SPATA1: variants seen among roughly 807,000 people sequenced by gnomAD.
SPATA1 encodes spermatogenesis-associated protein 1.
SPATA1 carries 57 observed loss-of-function variants against 59.6 expected under a neutral mutation model. That is an observed-to-expected ratio of 0.96 (90% CI 0.77 to 1.19). SPATA1 has a LOEUF of 1.19. Among genes scored for constraint, SPATA1 ranks in the 50% most tolerant of loss-of-function variants. SPATA1 has a pLI of 0.00. For synonymous variants in SPATA1, 147 were observed against 163.9 expected, an observed-to-expected ratio of 0.90 and a Z score of 0.79; for missense variants, 448 against 480.7, an observed-to-expected ratio of 0.93 and a Z score of 0.64.
intron 4 of SPATA1, among the ~76,000 whole-genome samples, chr1:84,560,727 C>G (rs1684579944): frequency 6.6e-6 from 1 of 152,140 alleles, no homozygotes; most frequent in African/African-American, 2.4e-5. Flanking sequence ...TAAGTTGAAG[C>G]CAGTGTTCAT....
chr1:84,561,643 A>G (rs527658230), intron 4 of SPATA1, among the ~76,000 whole-genome samples: 1 of 152,278 alleles, frequency 6.6e-6, no homozygotes, highest in African/African-American at 2.4e-5. Flanking sequence ...TGACGTGGCA[A>G]ACTTCACTGT....
intron 1 of SPATA1, among the ~76,000 whole-genome samples, chr1:84,513,399 T>C (rs1291989148): frequency 6.6e-6 from 1 of 152,228 alleles, no homozygotes; most frequent in Non-Finnish European, 1.5e-5. Flanking sequence ...CCTCCCAAAG[T>C]GTTGGGATTA....
At chr1:84,525,775 A>T in intron 5 of SPATA1, 26 bp downstream of exon 5, 1 of 1,605,206 alleles carries the variant, frequency 6.2e-7, no homozygotes. Context: ...TTTTAAACTT[A>T]TGCTAATTTT....
downstream of SPATA1, among the ~76,000 whole-genome samples, chr1:84,555,566 C>T (rs2102014929): frequency 6.6e-6 from 1 of 152,304 alleles, no homozygotes; most frequent in South Asian, 2.1e-4. Flanking sequence ...GGTATTATTG[C>T]TTATGGCACT....
At chr1:84,520,432 T>G (rs1682975408) in intron 2 of SPATA1, among the ~76,000 whole-genome samples, 153 bp from the exon 3 acceptor site, 1 of 152,204 alleles carries the variant, frequency 6.6e-6, no homozygotes, top group Non-Finnish European at 1.5e-5. Flanking sequence ...GAACAAATTT[T>G]TAGTTCATTT....
At chr1:84,526,123 T>C (rs748439251) in intron 6 of SPATA1, 50 bp downstream of exon 6, 1 of 1,488,202 alleles carries the variant, frequency 6.7e-7, no homozygotes, top group South Asian at 1.2e-5. Context: ...ATAGTACATT[T>C]TAGCAGTCAA....
At chr1:84,557,644 A>G (rs146078361), downstream of SPATA1, among the ~76,000 whole-genome samples, 2,713 of 151,644 alleles carry the variant, frequency 0.018, 73 homozygotes, top group African/African-American at 0.06. Context: ...TCATGAGGTC[A>G]GGAGATCGAG....
At chr1:84,542,321 A>G (rs1313087622) in intron 8 of SPATA1, among the ~76,000 whole-genome samples, 1 of 152,166 alleles carries the variant, frequency 6.6e-6, no homozygotes, top group East Asian at 1.9e-4. Flanking sequence ...AGCTTAGTTC[A>G]GTGGAGCTCT....
intron 10 of SPATA1, among the ~76,000 whole-genome samples, chr1:84,548,091 A>G (rs919928830): frequency 6.6e-6 from 1 of 152,232 alleles, no homozygotes; most frequent in Non-Finnish European, 1.5e-5. Context: ...GGGATTGGAT[A>G]ATAGAGCATG....
At chr1:84,557,577 T>C (rs1368969691), downstream of SPATA1, among the ~76,000 whole-genome samples, 1 of 141,244 alleles carries the variant, frequency 7.1e-6, no homozygotes, top group Non-Finnish European at 1.5e-5. Context: ...AGAAGGAGGC[T>C]GGGCGCGGTG....
chr1:84,562,514 T>C (rs1182622352), intron 4 of SPATA1, among the ~76,000 whole-genome samples: 2 of 152,218 alleles, frequency 1.3e-5, no homozygotes, highest in Non-Finnish European at 2.9e-5. Context: ...TTGCTGAACT[T>C]CACTTATATC....
At chr1:84,553,025 C>G in intron 12 of SPATA1, 2 of 1,494,544 alleles carry the variant, frequency 1.3e-6, no homozygotes, top group Non-Finnish European at 1.8e-6. Flanking sequence ...AAAAGTAATT[C>G]TTTTTATAGA....
chr1:84,562,546 T>G (rs1025381352), intron 4 of SPATA1, among the ~76,000 whole-genome samples: 15 of 152,314 alleles, frequency 9.8e-5, no homozygotes, highest in East Asian at 1.9e-4. Flanking sequence ...CCTTTTAAAG[T>G]AACATAATCT....
chr1:84,551,360 GATAAAA>G (rs2102009164), intron 12 of SPATA1: 2 of 806,678 alleles, frequency 2.5e-6, no homozygotes, highest in Non-Finnish European at 3.0e-6. Context: ...CTCGGTTTCA[GATAAAA>G]ATAAAAATAA....
intron 10 of SPATA1, 72 bp from the exon 11 acceptor site, chr1:84,548,714 A>G: frequency 7.4e-7 from 1 of 1,350,186 alleles, no homozygotes; most frequent in Non-Finnish European, 9.5e-7. Flanking sequence ...CCAGGATGAA[A>G]AGTTGAATCC....
chr1:84,551,310 T>C, intron 12 of SPATA1: 1 of 970,780 alleles, frequency 1.0e-6, no homozygotes, highest in South Asian at 4.8e-5. Flanking sequence ...TAGCTCTTTT[T>C]AAAAAAATTT....
exon 11 of SPATA1, chr1:84,548,873 T>C: frequency 6.3e-7 from 1 of 1,599,864 alleles, no homozygotes. Flanking sequence ...CGAGAAGATT[T>C]GGAACTCTAC....
intron 8 of SPATA1, among the ~76,000 whole-genome samples, chr1:84,537,455 A>T (rs760145811): frequency 1.2e-4 from 18 of 152,182 alleles, no homozygotes; most frequent in Non-Finnish European, 1.9e-4. Context: ...ATAGACGTCT[A>T]CCTTGAATAA....
At chr1:84,553,251 T>G in exon 13 of SPATA1, 3 of 556,204 alleles carry the variant, frequency 5.4e-6, no homozygotes, top group Non-Finnish European at 9.4e-6. Flanking sequence ...CCACTTTCCA[T>G]GTGGGTATTA....
Sources: gnomAD v4.1 joint callset for allele counts (sites outside exome capture counted in the v4.1 genomes callset) on GRCh38, gnomAD v4.1.1 for gene constraint, MANE v1.5 for transcripts, NCBI Gene and HGNC (gene_info 2026-07-23, HGNC 2026-07-21) for gene names.